Variants in MAP7D1 observed in about 807,000 individuals in gnomAD.
MAP7D1 encodes the protein MAP7 domain-containing protein 1.
In MAP7D1, 30 loss-of-function variants were observed where a neutral mutation model predicts 97.5. The ratio of observed to expected loss-of-function variants is 0.31; its 90% CI spans 0.23 to 0.42. MAP7D1 has a LOEUF of 0.42. Among genes scored for constraint, MAP7D1 ranks in the 10% least tolerant of loss-of-function variants. MAP7D1 has a pLI of 1.00. For missense variants in MAP7D1, 1,184 were observed against 1,179.5 expected, an observed-to-expected ratio of 1.00 and a Z score of -0.06; for synonymous variants, 536 against 477.1, an observed-to-expected ratio of 1.12 and a Z score of -1.61.
In MAP7D1 at chr1:36,179,646, C is replaced by A; in HGVS notation, c.2228-20C>A. 6.5e-7 allele frequency: 1 copy of A among 1,537,894 alleles called. No individual in the cohort carries two copies. Among genetic ancestry groups the A allele is most frequent in the Non-Finnish European group, 8.8e-7 (1 of 1,138,882 alleles). On this transcript the variant is annotated intron_variant, in intron 14 of 16. Coordinates refer to ENST00000474796, the MANE Select transcript of MAP7D1 (RefSeq NM_001388490.1). Reference sequence around the variant, plus strand: ...TCTCTTGCCAGCCCCTGGCTGATGGCCCCTCTTTCCCTGTGACAGAGCCTG... The same window carrying A: ...TCTCTTGCCAGCCCCTGGCTGATGGACCCTCTTTCCCTGTGACAGAGCCTG...
chr1:36,158,683 A>G (rs1026080858), intron 1 of MAP7D1, among the ~76,000 whole-genome samples: 1 of 152,230 alleles, frequency 6.6e-6, no homozygotes, highest in African/African-American at 2.4e-5. Flanking sequence ...TGGCACGCAG[A>G]CACCAGACAC....
At chr1:36,179,455 G>T in intron 13 of MAP7D1, 60 bp from the exon 14 acceptor site, 1 of 1,578,680 alleles carries the variant, frequency 6.3e-7, no homozygotes. Context: ...GCCGAACTCA[G>T]TCCGAAGTGG....
At chr1:36,175,936 C>T (rs923132189) in intron 6 of MAP7D1, among the ~76,000 whole-genome samples, 1 of 152,198 alleles carries the variant, frequency 6.6e-6, no homozygotes, top group Non-Finnish European at 1.5e-5. Flanking sequence ...CCGTTCAGGG[C>T]CCCTTCACCT....
At chr1:36,178,618 A>G (rs1175351214) in intron 10 of MAP7D1, 22 bp downstream of exon 10, 3 of 1,559,390 alleles carry the variant, frequency 1.9e-6, no homozygotes, top group Non-Finnish European at 2.6e-6. Context: ...TCGGGGACTG[A>G]GGGGGCCCTC....
At chr1:36,177,726 G>C in intron 8 of MAP7D1, 147 bp from the exon 9 acceptor site, 2 of 1,228,242 alleles carry the variant, frequency 1.6e-6, no homozygotes, top group Non-Finnish European at 2.2e-6. Context: ...TGCTCTAAAA[G>C]GGAATGGTGT....
chr1:36,168,539 T>A (rs1205134247), intron 1 of MAP7D1, among the ~76,000 whole-genome samples: 1 of 152,056 alleles, frequency 6.6e-6, no homozygotes, highest in Non-Finnish European at 1.5e-5. Flanking sequence ...GGAAATAGAT[T>A]AGCAGTGACC....
chr1:36,167,442 G>T (rs1359145136), intron 1 of MAP7D1, among the ~76,000 whole-genome samples: 1 of 152,188 alleles, frequency 6.6e-6, no homozygotes, highest in African/African-American at 2.4e-5. Flanking sequence ...CTTGAGAAGT[G>T]CAATGTTGCA....
Position 36,162,068 on chromosome 1 carries a change from C to A in MAP7D1, c.46+5605C>A, listed in dbSNP as rs1351278030. On this transcript the variant is annotated intron_variant, in intron 1 of 16. Transcript: ENST00000474796. ...TGCTCTAGTGTTGTCACCTAGGAAT[C>A]TGCAGTGAGGGCCAGGAGGGCTCTT... is the stretch of plus-strand genomic sequence containing the variant. Among the ~76,000 whole-genome samples the A allele has an allele frequency of 2.6e-5, 4 of 152,214 alleles. No individual in the cohort carries two copies. In the East Asian group the frequency reaches 7.8e-4, roughly 29 times the overall value.
intron 1 of MAP7D1, among the ~76,000 whole-genome samples, chr1:36,166,625 G>A (rs1414599213): frequency 6.6e-6 from 1 of 151,934 alleles, no homozygotes; most frequent in African/African-American, 2.4e-5. Flanking sequence ...TCCTGACCTC[G>A]TGATCTGCCT....
At chr1:36,178,324 C>G in intron 9 of MAP7D1, 95 bp from the exon 10 acceptor site, 1 of 1,481,052 alleles carries the variant, frequency 6.8e-7, no homozygotes, top group Non-Finnish European at 9.0e-7. Flanking sequence ...GAGACTCCTG[C>G]CCTCAGCAGT....
chr1:36,167,790 A>T (rs1373627754), intron 1 of MAP7D1, among the ~76,000 whole-genome samples: 2 of 152,202 alleles, frequency 1.3e-5, no homozygotes, highest in East Asian at 3.9e-4. Flanking sequence ...CCTTTCACAT[A>T]GCGAGTCAGG....
chr1:36,160,997 G>A (rs1644401032), intron 1 of MAP7D1, among the ~76,000 whole-genome samples: 1 of 152,234 alleles, frequency 6.6e-6, no homozygotes, highest in Non-Finnish European at 1.5e-5. Context: ...GGGGCTGAGG[G>A]AGGGATGTGG....
In MAP7D1 at chr1:36,178,594, C is replaced by T; in HGVS notation, c.1884C>T (p.Asp628=). Residue 628 remains aspartate, a splice_region_variant and synonymous_variant, in exon 10 of 17, where the codon GAC becomes GAT. Coordinates refer to ENST00000474796, the MANE Select transcript of MAP7D1 (RefSeq NM_001388490.1). ...EQERRLQAER[D]KRMREEQLAR... is the part of the protein sequence containing the mutation. Reference sequence around the variant, plus strand: ...AGCGGAGGCTGCAGGCAGAAAGGGACAAGTGAGTGCGCCTCGGGGACTGAG... The same window carrying T: ...AGCGGAGGCTGCAGGCAGAAAGGGATAAGTGAGTGCGCCTCGGGGACTGAG... 1 of 1,577,200 alleles carries T rather than the reference C, an allele frequency of 6.3e-7. No individual in the cohort carries two copies. Among genetic ancestry groups the T allele is most frequent in the East Asian group, 2.3e-5 (1 of 43,140 alleles).
At chr1:36,157,443 C>T (rs1175928476) in intron 1 of MAP7D1, among the ~76,000 whole-genome samples, 2 of 152,224 alleles carry the variant, frequency 1.3e-5, no homozygotes, top group Non-Finnish European at 2.9e-5. Context: ...CACCAACCAC[C>T]AGTGCTCAGG....
intron 3 of MAP7D1, 86 bp from the exon 4 acceptor site, chr1:36,172,378 C>T: frequency 1.5e-6 from 2 of 1,315,864 alleles, no homozygotes; most frequent in Middle Eastern, 2.9e-4. Flanking sequence ...GCATGGGTAG[C>T]AGGGCTGGCC....
Position 36,179,532 on chromosome 1 carries a change from G to C in MAP7D1, c.2202G>C (p.Glu734Asp), listed in dbSNP as rs1557785044. 1.3e-6 allele frequency: 2 copies of C among 1,577,204 alleles called. No individual in the cohort carries two copies. Among genetic ancestry groups the C allele is most frequent in the Admixed American group, 3.7e-5 (2 of 54,146 alleles). ...CAAAGCAGAAGCAGGACAGCAAGGAGGCCAACGCCAACGGTTCCAGCCCAG... is the reference window on the plus strand; with the variant it reads ...CAAAGCAGAAGCAGGACAGCAAGGACGCCAACGCCAACGGTTCCAGCCCAG... Reference protein sequence around the residue: ...VSETKKQDSKEANANGSSPEP... With the variant: ...VSETKKQDSKDANANGSSPEP... The change falls in exon 14 of 17, where the codon GAG (glutamate) becomes GAC (aspartate). Residue 734 changes from glutamate (E) to aspartate (D), a missense_variant. Coordinates refer to ENST00000474796, the MANE Select transcript of MAP7D1 (RefSeq NM_001388490.1).
rs1412091925 is a variant in MAP7D1, at chr1:36,178,509, C to T, written c.1799C>T (p.Thr600Ile). Residue 600 changes from threonine (T) to isoleucine (I), a missense_variant, in exon 10 of 17, where the codon ACT becomes ATT. Thr to Ile is a moderately conservative substitution (Grantham distance 89). Transcript: ENST00000474796. ...GGCACCACAGACCGAGAAGAAGCCA[C>T]TCGGCTCTTGGCTGAGAAGCGGCGC... ...MAGTTDREEA[T>I]RLLAEKRRQA... The T allele has an allele frequency of 1.2e-6, 2 of 1,610,258 alleles. No homozygotes were observed. The highest frequency in any genetic ancestry group is 1.1e-5 in the South Asian group (1 of 90,720).
intron 1 of MAP7D1, among the ~76,000 whole-genome samples, chr1:36,161,055 C>T (rs1314938807): frequency 6.6e-6 from 1 of 152,224 alleles, no homozygotes; most frequent in African/African-American, 2.4e-5. Context: ...CCTAAAATAA[C>T]AGGAAGTGGG....
intron 1 of MAP7D1, among the ~76,000 whole-genome samples, chr1:36,163,879 G>A (rs1317090039): frequency 7.7e-6 from 1 of 130,532 alleles, no homozygotes; most frequent in African/African-American, 3.0e-5. Context: ...CCAGGCTGGA[G>A]TGCAGTAGTG....
Sources: allele counts gnomAD v4.1 joint callset (sites outside exome capture counted in the v4.1 genomes callset), GRCh38; gene constraint gnomAD v4.1.1; transcripts MANE v1.5; gene names NCBI Gene and HGNC (gene_info 2026-07-23, HGNC 2026-07-21).